SMYD3: variants seen among roughly 807,000 people sequenced by gnomAD.
SMYD3 encodes histone-lysine N-methyltransferase SMYD3.
In SMYD3, 36 loss-of-function variants were observed where a neutral mutation model predicts 57.7. The ratio of observed to expected loss-of-function variants is 0.62; its 90% CI spans 0.48 to 0.82. The LOEUF (loss-of-function observed/expected upper bound fraction) is 0.82, where lower values mean the gene tolerates loss of function less well. Ranked by LOEUF, SMYD3 falls within the 40% of genes least tolerant of loss-of-function variation. SMYD3 has a pLI of 0.00. For missense variants in SMYD3, 515 were observed against 538.8 expected (o/e 0.96, Z 0.44); for synonymous variants, 211 against 195.0 (o/e 1.08, Z -0.68).
intron 10 of SMYD3, among the ~76,000 whole-genome samples, chr1:245,828,380 T>C (rs1218350573): frequency 1.3e-5 from 2 of 152,250 alleles, no homozygotes; most frequent in African/African-American, 4.8e-5. Context: ...ATTTGCAGGT[T>C]TGCTGTATTG....
intron 5 of SMYD3, among the ~76,000 whole-genome samples, chr1:246,250,334 A>G (rs574389964): frequency 1.1e-4 from 16 of 152,306 alleles, no homozygotes; most frequent in Admixed American, 9.2e-4. Context: ...TCAGTACACT[A>G]TTTTCAGTGA....
chr1:245,849,469 T>C (rs895370089), intron 10 of SMYD3, among the ~76,000 whole-genome samples: 4 of 151,970 alleles, frequency 2.6e-5, no homozygotes, highest in African/African-American at 9.7e-5. Context: ...GTTATGTGTA[T>C]GGACCAAAAG....
intron 5 of SMYD3, among the ~76,000 whole-genome samples, chr1:246,274,386 A>C (rs1023388674): frequency 2.0e-5 from 3 of 152,210 alleles, no homozygotes; most frequent in Non-Finnish European, 2.9e-5. Flanking sequence ...TATAGAAAGA[A>C]CACAGTCATA....
At chr1:245,872,898 C>A (rs1187788300) in intron 8 of SMYD3, among the ~76,000 whole-genome samples, 3 of 152,220 alleles carry the variant, frequency 2.0e-5, no homozygotes, top group Non-Finnish European at 2.9e-5. Flanking sequence ...ACTTCTAGAA[C>A]CACCAAAGGC....
chr1:246,476,200 G>A (rs986304797), intron 1 of SMYD3, among the ~76,000 whole-genome samples: 8 of 151,998 alleles, frequency 5.3e-5, no homozygotes, highest in Admixed American at 2.6e-4. Flanking sequence ...TACTTCCTAC[G>A]AACTCCTCTA....
At chr1:246,009,108 T>C (rs1209852245) in intron 5 of SMYD3, among the ~76,000 whole-genome samples, 1 of 152,066 alleles carries the variant, frequency 6.6e-6, no homozygotes, top group East Asian at 1.9e-4. Context: ...TATAAAATAA[T>C]GGTGGTAAAA....
chr1:246,378,726 T>TATATATAATATATATAATATA (rs58702520), intron 1 of SMYD3, among the ~76,000 whole-genome samples: 3 of 89,862 alleles, frequency 3.3e-5, no homozygotes, highest in African/African-American at 1.4e-4. Context: ...TATAATATAT[T>TATATATAATATATATAATATA]ATATATTATA....
intron 5 of SMYD3, among the ~76,000 whole-genome samples, chr1:245,993,204 T>C (rs60404054): frequency 0.027 from 4,065 of 152,286 alleles, 180 homozygotes; most frequent in African/African-American, 0.093. Flanking sequence ...GTGGTTACAA[T>C]GTTCACTGCT....
chr1:246,174,598 C>T (rs2062402380), intron 5 of SMYD3, among the ~76,000 whole-genome samples: 1 of 152,162 alleles, frequency 6.6e-6, no homozygotes. Context: ...AGGCACATGC[C>T]ACCACGCCTG....
intron 10 of SMYD3, among the ~76,000 whole-genome samples, chr1:245,797,786 AAAGCTATGCC>A: frequency 6.6e-6 from 1 of 150,534 alleles, no homozygotes; most frequent in Admixed American, 6.6e-5. Context: ...GCCGGTTTTC[AAAGCTATGCC>A]AAGACATGTC....
chr1:246,028,212 T>C (rs891855470), intron 5 of SMYD3, among the ~76,000 whole-genome samples: 28 of 151,372 alleles, frequency 1.8e-4, no homozygotes, highest in African/African-American at 6.8e-4. Flanking sequence ...CCTGAAAAAA[T>C]CAATAATGAG....
chr1:246,251,144 A>G (rs2063791993), intron 5 of SMYD3, among the ~76,000 whole-genome samples: 2 of 152,342 alleles, frequency 1.3e-5, no homozygotes, highest in East Asian at 3.9e-4. Flanking sequence ...CAGAACCAAC[A>G]TTGATTTGAC....
intron 5 of SMYD3, among the ~76,000 whole-genome samples, chr1:246,058,382 T>C (rs908093014): frequency 2.8e-4 from 42 of 152,322 alleles, no homozygotes; most frequent in African/African-American, 8.9e-4. Context: ...CTCTCAATTA[T>C]GCTGTGAACC....
At chr1:245,766,814 G>T (rs568507463) in intron 10 of SMYD3, among the ~76,000 whole-genome samples, 1 of 152,182 alleles carries the variant, frequency 6.6e-6, no homozygotes, top group African/African-American at 2.4e-5. Context: ...CAGAGAAAGC[G>T]GTGTGTCATT....
At chr1:245,803,970 G>A (rs1160502262) in intron 10 of SMYD3, among the ~76,000 whole-genome samples, 1 of 150,356 alleles carries the variant, frequency 6.7e-6, no homozygotes, top group Non-Finnish European at 1.5e-5. Flanking sequence ...CTGGAGTGGA[G>A]TGGCACAATC....
intron 5 of SMYD3, among the ~76,000 whole-genome samples, chr1:245,940,706 G>C (rs1473709763): frequency 6.6e-6 from 1 of 151,954 alleles, no homozygotes; most frequent in Non-Finnish European, 1.5e-5. Flanking sequence ...ACAAAGATGA[G>C]AAAGAATCAA....
intron 5 of SMYD3, among the ~76,000 whole-genome samples, chr1:246,168,860 T>C (rs6664226): frequency 0.098 from 14,876 of 152,128 alleles, 989 homozygotes; most frequent in South Asian, 0.23. Context: ...AAACAAATGA[T>C]GCCTATACAG....
At chr1:245,811,211 G>A (rs911838791) in intron 10 of SMYD3, among the ~76,000 whole-genome samples, 1 of 152,152 alleles carries the variant, frequency 6.6e-6, no homozygotes, top group Non-Finnish European at 1.5e-5. Flanking sequence ...GCGCTGAAGT[G>A]CAAAGTACAG....
chr1:246,238,868 G>C (rs184526711), intron 5 of SMYD3, among the ~76,000 whole-genome samples: 33 of 147,692 alleles, frequency 2.2e-4, no homozygotes, highest in African/African-American at 7.4e-4. Flanking sequence ...TGAGATTTTT[G>C]GTTCAAAGTT....
Sources: gnomAD v4.1 joint callset for allele counts (sites outside exome capture counted in the v4.1 genomes callset) on GRCh38, gnomAD v4.1.1 for gene constraint, MANE v1.5 for transcripts, NCBI Gene and HGNC (gene_info 2026-07-23, HGNC 2026-07-21) for gene names.